The following DLG2 variants were observed in gnomAD, a reference collection of about 807,000 sequenced individuals.
DLG2 encodes disks large homolog 2.
DLG2 carries 45 observed loss-of-function variants against 132.5 expected under a neutral mutation model. The ratio of observed to expected loss-of-function variants is 0.34; its 90% CI spans 0.27 to 0.44. DLG2 has a LOEUF of 0.44. DLG2 is among the 20% of genes least tolerant of loss of function. DLG2 has a pLI of 1.00. For missense variants in DLG2, 1,045 were observed against 1,196.9 expected (o/e 0.87, Z 1.87); for synonymous variants, 424 against 419.6 (o/e 1.01, Z -0.13).
intron 6 of DLG2, among the ~76,000 whole-genome samples, chr11:84,859,580 A>C (rs1052160794): frequency 6.6e-6 from 1 of 151,428 alleles, no homozygotes; most frequent in African/African-American, 2.4e-5. Flanking sequence ...GATCAAAGGA[A>C]AGAATGCTAG....
intron 5 of DLG2, among the ~76,000 whole-genome samples, chr11:85,147,053 C>A (rs962001637): frequency 2.0e-5 from 3 of 152,186 alleles, no homozygotes. Flanking sequence ...CTCTCTCCTG[C>A]GAACACACAG....
At chr11:83,744,669 T>G (rs1226925469) in intron 18 of DLG2, among the ~76,000 whole-genome samples, 1 of 152,170 alleles carries the variant, frequency 6.6e-6, no homozygotes, top group Non-Finnish European at 1.5e-5. Flanking sequence ...TCTTTTAGTG[T>G]TTGGATCCGT....
chr11:85,106,215 G>A (rs1594266906), intron 6 of DLG2, among the ~76,000 whole-genome samples: 1 of 151,866 alleles, frequency 6.6e-6, no homozygotes, highest in Admixed American at 6.6e-5. Flanking sequence ...TCATATTCTA[G>A]AGAGACATAG....
chr11:85,031,947 C>CTTTTTTT (rs11389028), intron 6 of DLG2, among the ~76,000 whole-genome samples: 32 of 51,850 alleles, frequency 6.2e-4, no homozygotes, highest in East Asian at 8.7e-4. Context: ...TGACAACTGG[C>CTTTTTTT]TTTTTTTTTT....
Position 84,407,725 on chromosome 11 carries a change from G to C in DLG2, c.519+126845C>G, listed in dbSNP as rs140972842. ...ATTTGCAGTGCTAGTGTAACACTCT[G>C]ATTTCACAGATAAGGCACTGAAACT... On this transcript the variant is annotated intron_variant, in intron 7 of 27. Transcript: ENST00000376104. Among the ~76,000 whole-genome samples the C allele has an allele frequency of 7.7e-4, 118 of 152,280 alleles. 1 individual carries two copies. Among genetic ancestry groups the C allele is most frequent in the African/African-American group, 2.7e-3 (112 of 41,570 alleles).
At chr11:84,527,705 A>G (rs1301039860) in intron 7 of DLG2, among the ~76,000 whole-genome samples, 1 of 152,214 alleles carries the variant, frequency 6.6e-6, no homozygotes, top group African/African-American at 2.4e-5. Context: ...TGACTGCAAG[A>G]CACATTTCTT....
chr11:84,457,160 A>C lies in DLG2; in HGVS notation c.519+77410T>G, dbSNP rs1480828242. Among the ~76,000 whole-genome samples, 16 of 151,310 alleles carry C rather than the reference A, an allele frequency of 1.1e-4. No homozygotes were observed. In the East Asian group the frequency reaches 3.1e-3, roughly 29 times the overall value. On this transcript the variant is annotated intron_variant, in intron 7 of 27. Coordinates refer to ENST00000376104, the MANE Select transcript of DLG2 (RefSeq NM_001142699.3). ...AGTTTCTAATCTTGTTGAGAACAGA[A>C]AACATAAAACCTGAAATAATTCAAA...
At chr11:84,861,547 AC>A (rs1405888229) in intron 6 of DLG2, among the ~76,000 whole-genome samples, 20 of 150,572 alleles carry the variant, frequency 1.3e-4, no homozygotes, top group Non-Finnish European at 7.4e-5. Context: ...AGGCTAAAAC[AC>A]CAAAAGCAAT....
At chr11:84,870,294 A>G (rs529275635) in intron 6 of DLG2, among the ~76,000 whole-genome samples, 1 of 152,146 alleles carries the variant, frequency 6.6e-6, no homozygotes, top group Non-Finnish European at 1.5e-5. Context: ...GGAGCCTGTG[A>G]ACCAGGATGA....
intron 6 of DLG2, among the ~76,000 whole-genome samples, chr11:85,105,708 G>A (rs1163911424): frequency 6.6e-6 from 1 of 151,890 alleles, no homozygotes. Context: ...GAGGACTGCT[G>A]ATAGCATGAA....
intron 4 of DLG2, among the ~76,000 whole-genome samples, chr11:85,164,333 T>C (rs1393559420): frequency 1.3e-5 from 2 of 152,146 alleles, no homozygotes; most frequent in African/African-American, 4.8e-5. Context: ...TCTGGTCTCC[T>C]ATAGTCATAT....
chr11:83,791,779 C>G lies in DLG2; in HGVS notation c.1723-4987G>C, dbSNP rs1313617737. ...GGAAGAGCCCGTCTCCGAAGGTGGC[C>G]GGGCTACGCTTCCTCTCCCAGGACC... On this transcript the variant is annotated intron_variant, in intron 17 of 27. Coordinates refer to ENST00000376104, the MANE Select transcript of DLG2 (RefSeq NM_001142699.3). Among the ~76,000 whole-genome samples the G allele has an allele frequency of 2.6e-5, 4 of 152,260 alleles. No individual in the cohort carries two copies. In the East Asian group the frequency reaches 7.7e-4, roughly 29 times the overall value.
At chr11:84,352,638 G>A (rs2098585040) in intron 7 of DLG2, among the ~76,000 whole-genome samples, 2 of 152,102 alleles carry the variant, frequency 1.3e-5, no homozygotes, top group African/African-American at 4.8e-5. Context: ...CTTATCTGCT[G>A]GCTCAATTCA....
chr11:84,409,973 G>A (rs1479201839), intron 7 of DLG2, among the ~76,000 whole-genome samples: 2 of 152,082 alleles, frequency 1.3e-5, no homozygotes, highest in Non-Finnish European at 2.9e-5. Flanking sequence ...TGACTCAAGA[G>A]GCTATTCAAT....
chr11:84,943,644 C>G (rs2154098656), intron 6 of DLG2, among the ~76,000 whole-genome samples: 1 of 152,168 alleles, frequency 6.6e-6, no homozygotes, highest in Non-Finnish European at 1.5e-5. Context: ...AACTTCATCC[C>G]CCCGATTTTT....
chr11:84,881,080 A>C (rs749615554), intron 6 of DLG2, among the ~76,000 whole-genome samples: 45 of 152,148 alleles, frequency 3.0e-4, no homozygotes, highest in Admixed American at 2.4e-3. Context: ...ACTGAAATAT[A>C]GAATTTGTCA....
intron 6 of DLG2, among the ~76,000 whole-genome samples, chr11:85,060,141 G>C (rs2063897549): frequency 6.6e-6 from 1 of 151,234 alleles, no homozygotes; most frequent in Admixed American, 6.6e-5. Flanking sequence ...TTTACTTTCT[G>C]TTTCAGTGAG....
At chr11:83,616,171 G>A (rs2060775826) in intron 19 of DLG2, among the ~76,000 whole-genome samples, 1 of 152,076 alleles carries the variant, frequency 6.6e-6, no homozygotes, top group East Asian at 1.9e-4. Context: ...GTTATTCCCA[G>A]GTTTAGGCTA....
At chr11:84,957,506 C>G (rs1162869359) in intron 6 of DLG2, among the ~76,000 whole-genome samples, 1 of 152,198 alleles carries the variant, frequency 6.6e-6, no homozygotes, top group African/African-American at 2.4e-5. Flanking sequence ...TGTATTCTCT[C>G]TGCCTAGAAG....
Sources: gnomAD v4.1 joint callset for allele counts (sites outside exome capture counted in the v4.1 genomes callset) on GRCh38, gnomAD v4.1.1 for gene constraint, MANE v1.5 for transcripts, NCBI Gene and HGNC (gene_info 2026-07-23, HGNC 2026-07-21) for gene names.